Variants in TMEM132C observed in about 807,000 individuals in gnomAD.
The protein encoded by TMEM132C is protein phosphatase 1, regulatory subunit 152.
A neutral mutation model predicts 61.4 loss-of-function variants in TMEM132C; 29 were observed. The observed-to-expected ratio is 0.47, with a 90% confidence interval of 0.35 to 0.64. TMEM132C has a LOEUF of 0.64. Ranked by LOEUF, TMEM132C falls within the 30% of genes least tolerant of loss-of-function variation. The probability of loss-of-function intolerance (pLI) is 0.00; values close to 1 mark genes in which losing one functional copy is unlikely to be tolerated. For synonymous variants in TMEM132C, 656 were observed against 633.1 expected, an observed-to-expected ratio of 1.04 and a Z score of -0.54; for missense variants, 1,408 against 1,476.9, an observed-to-expected ratio of 0.95 and a Z score of 0.76.
At chr12:128,663,849 C>T (rs1157650542) in intron 4 of TMEM132C, among the ~76,000 whole-genome samples, 3 of 152,042 alleles carry the variant, frequency 2.0e-5, no homozygotes, top group African/African-American at 4.8e-5. Flanking sequence ...CACATGCACG[C>T]ACGCAGGCAC....
chr12:128,445,925 T>C (rs1451972392), intron 2 of TMEM132C, among the ~76,000 whole-genome samples: 1 of 151,898 alleles, frequency 6.6e-6, no homozygotes, highest in African/African-American at 2.4e-5. Flanking sequence ...AGAACCACAA[T>C]AATTGAGTCA....
intron 1 of TMEM132C, among the ~76,000 whole-genome samples, chr12:128,319,082 G>A (rs889125041): frequency 2.6e-5 from 4 of 152,174 alleles, no homozygotes; most frequent in Admixed American, 2.6e-4. Context: ...GTGAGGGAGG[G>A]TAAATACAAT....
At chr12:128,364,318 C>T (rs1040800009) in intron 1 of TMEM132C, among the ~76,000 whole-genome samples, 2 of 150,322 alleles carry the variant, frequency 1.3e-5, no homozygotes, top group African/African-American at 4.9e-5. Context: ...CCCCTCCTCC[C>T]CTCCCCGCCC....
Position 128,654,271 on chromosome 12 carries a change from G to A in TMEM132C, c.1306-15146G>A, listed in dbSNP as rs141628477. On this transcript the variant is annotated intron_variant, in intron 4 of 8. Transcript: ENST00000435159. ...AGAGCCACGGGGAGAGCGTTCCACG[G>A]TGGCAGAGGCAGAGATTGCAGCGTC... Among the ~76,000 whole-genome samples, 41 of 152,260 alleles carry A rather than the reference G, an allele frequency of 2.7e-4. No individual in the cohort carries two copies. The East Asian group carries it at 4.8e-3, about 18-fold the overall frequency.
intron 1 of TMEM132C, among the ~76,000 whole-genome samples, chr12:128,401,040 T>C (rs935585217): frequency 2.6e-5 from 4 of 152,192 alleles, no homozygotes; most frequent in Non-Finnish European, 5.9e-5. Flanking sequence ...GGGAATGAGC[T>C]TGGAATTGCC....
chr12:128,685,419 G>A (rs1445913085), intron 5 of TMEM132C, among the ~76,000 whole-genome samples: 1 of 152,214 alleles, frequency 6.6e-6, no homozygotes, highest in East Asian at 1.9e-4. Flanking sequence ...GCTCTGCTGG[G>A]TTTGGCCTGT....
At chr12:128,275,446 C>T (rs1000914613) in intron 1 of TMEM132C, among the ~76,000 whole-genome samples, 1 of 152,140 alleles carries the variant, frequency 6.6e-6, no homozygotes, top group African/African-American at 2.4e-5. Flanking sequence ...CCACCACTAG[C>T]CCCCAAGATG....
intron 3 of TMEM132C, among the ~76,000 whole-genome samples, chr12:128,549,532 T>A (rs1874083661): frequency 6.6e-6 from 1 of 152,248 alleles, no homozygotes; most frequent in East Asian, 1.9e-4. Flanking sequence ...CTTCAACAAA[T>A]TATGTGTCAA....
chr12:128,550,426 C>T (rs377702807), intron 3 of TMEM132C, among the ~76,000 whole-genome samples: 12 of 152,140 alleles, frequency 7.9e-5, no homozygotes, highest in African/African-American at 2.9e-4. Flanking sequence ...TCAAGCGATC[C>T]GCCAAGTAGC....
chr12:128,518,053 G>A (rs1404655546), intron 2 of TMEM132C, among the ~76,000 whole-genome samples: 3 of 152,212 alleles, frequency 2.0e-5, no homozygotes, highest in African/African-American at 7.2e-5. Context: ...ACCCTTAGGG[G>A]AAAGCATGGT....
chr12:128,389,929 C>A (rs1314968744), intron 1 of TMEM132C, among the ~76,000 whole-genome samples: 39 of 152,272 alleles, frequency 2.6e-4, no homozygotes, highest in East Asian at 1.9e-4. Flanking sequence ...CCCATGCTGA[C>A]GTGCAGTGGC....
intron 2 of TMEM132C, among the ~76,000 whole-genome samples, chr12:128,418,238 G>A (rs911861121): frequency 2.0e-5 from 3 of 152,208 alleles, no homozygotes; most frequent in Non-Finnish European, 4.4e-5. Context: ...TGTCTCAGGC[G>A]TGTCGGAATT....
chr12:128,551,383 A>C (rs1874170406), intron 3 of TMEM132C, among the ~76,000 whole-genome samples: 1 of 151,956 alleles, frequency 6.6e-6, no homozygotes, highest in Non-Finnish European at 1.5e-5. Context: ...GTCTATAAAC[A>C]CTCAGACCCA....
chr12:128,395,755 C>T (rs960187731), intron 1 of TMEM132C, among the ~76,000 whole-genome samples: 3 of 152,116 alleles, frequency 2.0e-5, no homozygotes, highest in South Asian at 2.1e-4. Context: ...ACTTTCACAC[C>T]GTCATAAAGT....
At position 128,326,468 on chromosome 12, in the gene TMEM132C, C is replaced by T. The variant is rs1430894109; in HGVS notation, c.85+58981C>T. On this transcript the variant is annotated intron_variant, in intron 1 of 8. Coordinates refer to ENST00000435159, the MANE Select transcript of TMEM132C (RefSeq NM_001136103.3). This position sits in a 1 kb window ranked among gnomAD's most constrained non-coding sequence, Gnocchi z 5.6. ...AGATATCTTTGCAAAGGCAGATGTA[C>T]AAATCATCCTGGTTCTCCAGAGGGG... is the stretch of plus-strand genomic sequence containing the variant. 6.6e-6 allele frequency among the ~76,000 whole-genome samples: 1 copy of T among 152,232 alleles called. No individual in the cohort carries two copies. The highest frequency in any genetic ancestry group is 1.5e-5 in the Non-Finnish European group (1 of 68,046).
In TMEM132C at chr12:128,706,316, C is replaced by A. The variant is rs1287809604; in HGVS notation, c.*21C>A. 5 of 1,491,552 alleles carry A rather than the reference C, an allele frequency of 3.4e-6. No individual in the cohort carries two copies. The highest frequency in any genetic ancestry group is 4.5e-6 in the Non-Finnish European group (5 of 1,120,106). 92.4% of individuals were successfully genotyped at this position (1,491,552 alleles called of 1,614,324 possible). ...CTTAGGCCCCTCTAGCCAAAGGGCC[C>A]TGCCCAGATGCCTTCCTTGTACTGG... On this transcript the variant is annotated 3_prime_UTR_variant, in exon 9 of 9. Transcript: ENST00000435159.
intron 2 of TMEM132C, among the ~76,000 whole-genome samples, chr12:128,539,416 A>T (rs2136143635): frequency 6.6e-6 from 1 of 152,294 alleles, no homozygotes; most frequent in East Asian, 1.9e-4. Flanking sequence ...AGAAATCGAG[A>T]CCATCCTGAC....
chr12:128,638,061 C>G (rs1027812698), intron 4 of TMEM132C, among the ~76,000 whole-genome samples: 5 of 152,170 alleles, frequency 3.3e-5, no homozygotes, highest in Admixed American at 2.0e-4. Flanking sequence ...GCATGGGAAG[C>G]CTGACCCTGT....
intron 4 of TMEM132C, among the ~76,000 whole-genome samples, chr12:128,664,951 T>TCATACACACAGGCACTCACA (rs1954441058): frequency 7.0e-6 from 1 of 142,044 alleles, no homozygotes; most frequent in African/African-American, 3.1e-5. Context: ...CACATCAATA[T>TCATACACACAGGCACTCACA]CATACACACA....
Sources: allele counts gnomAD v4.1 joint callset (sites outside exome capture counted in the v4.1 genomes callset), GRCh38; gene constraint gnomAD v4.1.1; non-coding constraint Gnocchi (gnomAD v3.1); transcripts MANE v1.5; gene names NCBI Gene and HGNC (gene_info 2026-07-23, HGNC 2026-07-21).